Variants in GORASP2 observed in about 807,000 individuals in gnomAD.
GORASP2 encodes the protein golgi reassembly stacking protein 2, also known as Golgi reassembly-stacking protein 2.
GORASP2 carries 22 observed loss-of-function variants against 45.7 expected under a neutral mutation model. The observed-to-expected ratio is 0.48, with a 90% CI of 0.34 to 0.69. The LOEUF is 0.69. GORASP2 is among the 30% of genes least tolerant of loss of function. The pLI, the probability that GORASP2 is intolerant of heterozygous loss-of-function variation, is 0.01. For missense variants in GORASP2, 491 were observed against 562.7 expected (o/e 0.87, Z 1.29); for synonymous variants, 221 against 215.6 (o/e 1.02, Z -0.22).
At chr2:170,961,609 C>A in intron 7 of GORASP2, 54 bp from the exon 8 acceptor site, 1 of 954,926 alleles carries the variant, frequency 1.0e-6, no homozygotes, top group Non-Finnish European at 1.7e-6. Flanking sequence ...GTGTTCTGTT[C>A]ATTTCTTGTC....
chr2:170,941,066 A>T (rs1420464131), intron 1 of GORASP2, among the ~76,000 whole-genome samples: 2 of 152,136 alleles, frequency 1.3e-5, no homozygotes, highest in African/African-American at 4.8e-5. Flanking sequence ...GAGGGGTAAA[A>T]ACTGTCTAGC....
chr2:170,948,429 T>G lies in GORASP2; in HGVS notation c.143T>G (p.Leu48Ter). 6.7e-7 allele frequency: 1 copy of G among 1,496,858 alleles called. No homozygotes were observed. 92.7% of individuals were successfully genotyped at this position (1,496,858 alleles called of 1,614,324 possible). The change falls in exon 2 of 10, where the codon TTA becomes TGA. Residue 48 changes from leucine (L) to a stop codon, truncating the protein, a stop_gained and splice_region_variant. Transcript: ENST00000234160. LOFTEE classifies it high-confidence loss of function. ...DFIVSINGSR[L>*]NKDNDTLKDL... ...ATTGTTTCTATTAATGGTTCAAGAT[T>G]AGTAAGTTCAACTTTCTGTAGTTTT... is the stretch of plus-strand genomic sequence containing the variant.
At chr2:170,931,745 G>T (rs1212092634) in intron 1 of GORASP2, among the ~76,000 whole-genome samples, 1 of 152,024 alleles carries the variant, frequency 6.6e-6, no homozygotes, top group African/African-American at 2.4e-5. Flanking sequence ...AAATATTTAG[G>T]GGACAGCCTT....
At position 170,954,713 on chromosome 2, in the gene GORASP2, A is replaced by G. The variant is rs150561040; in HGVS notation, c.630A>G (p.Gly210=). The change falls in exon 6 of 10, where the codon GGA becomes GGG. Residue 210 remains glycine, a synonymous_variant. Coordinates refer to ENST00000234160, the MANE Select transcript of GORASP2 (RefSeq NM_015530.5). Reference sequence around the variant, plus strand: ...TACCTACACGCCCATTTGAGGAAGGAAAGAAAATTTCTCTTCCAGGACAAA... The same window carrying G: ...TACCTACACGCCCATTTGAGGAAGGGAAGAAAATTTCTCTTCCAGGACAAA... ...HRIPTRPFEE[G]KKISLPGQMA... The G allele has an allele frequency of 1.2e-6, 2 of 1,613,230 alleles. No individual in the cohort carries two copies. Among genetic ancestry groups the G allele is most frequent in the Non-Finnish European group, 1.7e-6 (2 of 1,179,274 alleles).
At chr2:170,959,302 C>T (rs549798597) in intron 7 of GORASP2, among the ~76,000 whole-genome samples, 2 of 152,210 alleles carry the variant, frequency 1.3e-5, no homozygotes, top group African/African-American at 2.4e-5. Flanking sequence ...TGACATGTCT[C>T]TTCAAGCCCC....
chr2:170,937,662 A>G (rs2105312958), intron 1 of GORASP2, among the ~76,000 whole-genome samples: 1 of 152,158 alleles, frequency 6.6e-6, no homozygotes, highest in East Asian at 1.9e-4. Flanking sequence ...AGAGGGAAGG[A>G]GGGAGGGAAG....
At chr2:170,964,027 C>T (rs1704632961) in intron 9 of GORASP2, among the ~76,000 whole-genome samples, 1 of 152,194 alleles carries the variant, frequency 6.6e-6, no homozygotes, top group Admixed American at 6.5e-5. Context: ...CTTTTATACT[C>T]AAAACTATGG....
chr2:170,934,184 C>T (rs1470136089), intron 1 of GORASP2, among the ~76,000 whole-genome samples: 1 of 150,816 alleles, frequency 6.6e-6, no homozygotes, highest in South Asian at 2.1e-4. Flanking sequence ...TTCTGATATT[C>T]AATAGTCATT....
intron 1 of GORASP2, among the ~76,000 whole-genome samples, chr2:170,945,379 A>G (rs1010893152): frequency 4.6e-5 from 7 of 151,926 alleles, no homozygotes; most frequent in South Asian, 2.1e-4. Context: ...TGCGCTAGAA[A>G]AAATTTAAAA....
At chr2:170,961,960 C>G (rs1395696733) in intron 8 of GORASP2, among the ~76,000 whole-genome samples, 1 of 152,214 alleles carries the variant, frequency 6.6e-6, no homozygotes, top group East Asian at 1.9e-4. Context: ...AGCTAGTTAG[C>G]TGCCGAGCCT....
chr2:170,966,153 G>T lies in GORASP2; in HGVS notation c.*23G>T. On this transcript the variant is annotated 3_prime_UTR_variant, in exon 10 of 10. Transcript: ENST00000234160. ...TAACTTTGAACCATTCTTTGGAATT[G>T]GCGTGGTATATTTAACCACGGGAGC... The T allele has an allele frequency of 6.4e-7, 1 of 1,554,658 alleles. No individual in the cohort carries two copies. Among genetic ancestry groups the T allele is most frequent in the South Asian group, 1.1e-5 (1 of 89,838 alleles).
intron 1 of GORASP2, among the ~76,000 whole-genome samples, chr2:170,935,259 C>CT (rs915992882): frequency 6.0e-5 from 9 of 151,180 alleles, no homozygotes; most frequent in African/African-American, 1.7e-4. Context: ...ATTATATACA[C>CT]TTTTTTTTTC....
chr2:170,928,859 A>G (rs1703740277), upstream of GORASP2: 1 of 153,456 alleles, frequency 6.5e-6, no homozygotes, highest in Non-Finnish European at 1.5e-5. Context: ...ACACACCCGG[A>G]GAACAGAGAG....
chr2:170,948,544 C>T, intron 2 of GORASP2, 114 bp downstream of exon 2: 1 of 604,730 alleles, frequency 1.7e-6, no homozygotes, highest in Non-Finnish European at 2.9e-6. Context: ...GTGTAGTATG[C>T]CAATTTATAG....
intron 1 of GORASP2, among the ~76,000 whole-genome samples, chr2:170,947,968 A>C (rs1231715176): frequency 6.6e-6 from 1 of 152,092 alleles, no homozygotes; most frequent in East Asian, 1.9e-4. Context: ...AAAAAATACA[A>C]AAATTAGTTG....
chr2:170,935,919 C>T (rs12471930), intron 1 of GORASP2, among the ~76,000 whole-genome samples: 84,527 of 151,974 alleles, frequency 0.56, 26,910 homozygotes, highest in East Asian at 0.95. Flanking sequence ...GTTTTAATGC[C>T]TGCGCTATCA....
chr2:170,955,433 G>C (rs1704402457), intron 6 of GORASP2, among the ~76,000 whole-genome samples: 1 of 152,236 alleles, frequency 6.6e-6, no homozygotes, highest in African/African-American at 2.4e-5. Context: ...TAAGGAATAA[G>C]AGATACTTGA....
At chr2:170,945,537 C>A (rs1321216598) in intron 1 of GORASP2, among the ~76,000 whole-genome samples, 7 of 148,722 alleles carry the variant, frequency 4.7e-5, no homozygotes, top group Admixed American at 2.7e-4. Flanking sequence ...AGAAACTGAA[C>A]ACCTTTAATA....
chr2:170,944,902 G>A (rs564133505), intron 1 of GORASP2, among the ~76,000 whole-genome samples: 17 of 152,262 alleles, frequency 1.1e-4, no homozygotes, highest in African/African-American at 3.1e-4. Context: ...CTGAGGAGGC[G>A]CCTGAGGATC....
Sources: allele counts gnomAD v4.1 joint callset (sites outside exome capture counted in the v4.1 genomes callset), GRCh38; gene constraint gnomAD v4.1.1; transcripts MANE v1.5; gene names NCBI Gene and HGNC (gene_info 2026-07-23, HGNC 2026-07-21).